FBXL4: variants seen among roughly 807,000 people sequenced by gnomAD.
FBXL4 encodes F-box/LRR-repeat protein 4.
A neutral mutation model predicts 58.9 loss-of-function variants in FBXL4; 40 were observed. The observed-to-expected ratio is 0.68, with a 90% CI of 0.53 to 0.88. The LOEUF (loss-of-function observed/expected upper bound fraction) is 0.88. FBXL4 is among the 40% of genes least tolerant of loss of function. The probability of loss-of-function intolerance (pLI) is 0.00; values close to 1 mark genes in which losing one functional copy is unlikely to be tolerated. For missense variants in FBXL4, 676 were observed against 734.4 expected (o/e 0.92, Z 0.92); for synonymous variants, 263 against 265.5 (o/e 0.99, Z 0.09).
Position 98,874,461 on chromosome 6 carries a change from C to A in FBXL4, c.1703-20G>T, listed in dbSNP as rs1180929198. The stretch of plus-strand genomic sequence containing the variant: ...TTGTTCCTATTTAAGGGAAACAAAA[C>A]AAAACAAAACAAAACACCTTAAGTA... On this transcript the variant is annotated intron_variant, in intron 9 of 9. Coordinates refer to ENST00000369244, the MANE Select transcript of FBXL4 (RefSeq NM_001278716.2). 6.3e-7 allele frequency: 1 copy of A among 1,592,216 alleles called. No homozygotes were observed. Among genetic ancestry groups the A allele is most frequent in the Non-Finnish European group, 8.5e-7 (1 of 1,173,624 alleles).
In FBXL4 at chr6:98,917,433, T is replaced by G; in HGVS notation, c.799A>C (p.Ser267Arg). The part of the protein sequence containing the change: ...CGMDSLNKKF[S>R]SAVLGEGPNN... ...GGCCCTTCCCCGAGGACAGCACTGC[T>G]AAACTTTTTGTTAAGACTGTCCATT... The change falls in exon 5 of 10, where the codon AGC (serine) becomes CGC (arginine). Residue 267 changes from serine to arginine, a missense_variant. Ser to Arg is a moderately radical substitution (Grantham distance 110). Coordinates refer to ENST00000369244, the MANE Select transcript of FBXL4 (RefSeq NM_001278716.2). 1 of 1,613,996 alleles carries G rather than the reference T, an allele frequency of 6.2e-7. No individual in the cohort carries two copies. Among genetic ancestry groups the G allele is most frequent in the Non-Finnish European group, 8.5e-7 (1 of 1,179,902 alleles).
chr6:98,875,019 G>A (rs990443269), intron 9 of FBXL4, among the ~76,000 whole-genome samples: 16 of 151,992 alleles, frequency 1.1e-4, no homozygotes, highest in Non-Finnish European at 1.8e-4. Context: ...AAGATTTCAC[G>A]ATATTCCTTA....
chr6:98,899,483 T>C lies in FBXL4; in HGVS notation c.1104-2A>G. The C allele has an allele frequency of 6.2e-7, 1 of 1,609,836 alleles. No individual in the cohort carries two copies. Among genetic ancestry groups the C allele is most frequent in the South Asian group, 1.1e-5 (1 of 90,384 alleles). ...TCGGATCCACAAACCTTCAGAAACC[T>C]GCCAAAACAACATTCTATGTGAATT... On this transcript the variant is annotated splice_acceptor_variant, in intron 6 of 9. Transcript: ENST00000369244. LOFTEE classifies it high-confidence loss of function.
At chr6:98,937,683 T>C (rs1189741671) in intron 1 of FBXL4, among the ~76,000 whole-genome samples, 1 of 152,162 alleles carries the variant, frequency 6.6e-6, no homozygotes. Context: ...TGTGGAAATA[T>C]ACTATAAATT....
In FBXL4 at chr6:98,874,249, A is replaced by T; in HGVS notation, c.*29T>A. On this transcript the variant is annotated 3_prime_UTR_variant, in exon 10 of 10. Coordinates refer to ENST00000369244, the MANE Select transcript of FBXL4 (RefSeq NM_001278716.2). ...CCAAAATTAAACCCCAACAAAGCAC[A>T]TTAATTTTAATACAGAACATATATT... 1.3e-6 allele frequency: 2 copies of T among 1,492,742 alleles called. No homozygotes were observed. The highest frequency in any genetic ancestry group is 1.8e-4 in the Middle Eastern group (1 of 5,638). 92.5% of individuals were successfully genotyped at this position (1,492,742 alleles called of 1,614,324 possible).
chr6:98,911,189 G>C lies in FBXL4; in HGVS notation c.859-5519C>G, dbSNP rs182972515. Among the ~76,000 whole-genome samples, 1,361 of 152,310 alleles carry C rather than the reference G, an allele frequency of 8.9e-3. 16 individuals are homozygous for C. The highest frequency in any genetic ancestry group is 0.031 in the African/African-American group (1,277 of 41,556). Reference sequence around the variant, plus strand: ...AAAGCAGCCGGGAAGCTCAAACTGGGTGGAGCCCACCACAACTCAAGGAGG... The same window carrying C: ...AAAGCAGCCGGGAAGCTCAAACTGGCTGGAGCCCACCACAACTCAAGGAGG... On this transcript the variant is annotated intron_variant, in intron 5 of 9. Coordinates refer to ENST00000369244, the MANE Select transcript of FBXL4 (RefSeq NM_001278716.2).
chr6:98,875,608 C>T lies in FBXL4; in HGVS notation c.1509G>A (p.Gly503=). Residue 503 remains glycine (G), a synonymous_variant, in exon 9 of 10, where the codon GGG becomes GGA. Transcript: ENST00000369244. ...TENGIAELAS[G]CPLLEELDLG... ...GGTCAAGCTCCTCCAGTAGTGGACA[C>T]CCAGAAGCCAGTTCTGCTATTCCAT... The T allele has an allele frequency of 6.2e-7, 1 of 1,614,130 alleles. No homozygotes were observed. The highest frequency in any genetic ancestry group is 8.5e-7 in the Non-Finnish European group (1 of 1,180,004).
At chr6:98,878,575 A>G (rs923681171) in intron 8 of FBXL4, among the ~76,000 whole-genome samples, 5 of 152,076 alleles carry the variant, frequency 3.3e-5, no homozygotes, top group Non-Finnish European at 7.4e-5. Flanking sequence ...TATCCTTTAG[A>G]GGTAATTTTC....
intron 6 of FBXL4, among the ~76,000 whole-genome samples, chr6:98,900,656 C>T (rs1771574090): frequency 6.6e-6 from 1 of 152,096 alleles, no homozygotes; most frequent in Non-Finnish European, 1.5e-5. Flanking sequence ...TTTTAAAGGT[C>T]AAAGCACCCC....
chr6:98,895,936 C>T (rs1771394271), intron 7 of FBXL4, among the ~76,000 whole-genome samples: 2 of 151,986 alleles, frequency 1.3e-5, no homozygotes, highest in African/African-American at 2.4e-5. Context: ...TAATACAATC[C>T]ATATTTTTAA....
Position 98,875,528 on chromosome 6 carries a change from T to C in FBXL4, c.1589A>G (p.His530Arg), listed in dbSNP as rs2128375608. ...SSTGCFTRLA[H>R]QLPNLQKLFL... ...GAGTTTTTGCAAGTTTGGGAGCTGG[T>C]GTGCCAGTCTGGTGAAGCACCCGGT... The change falls in exon 9 of 10, where the codon CAC (histidine) becomes CGC (arginine). Residue 530 changes from histidine to arginine, a missense_variant. Physicochemically the swap from His to Arg is conservative, Grantham distance 29. Transcript: ENST00000369244. 1.2e-6 allele frequency: 2 copies of C among 1,614,172 alleles called. No individual in the cohort carries two copies. Among genetic ancestry groups the C allele is most frequent in the Non-Finnish European group, 1.7e-6 (2 of 1,180,008 alleles).
intron 4 of FBXL4, among the ~76,000 whole-genome samples, chr6:98,919,475 G>T (rs529260117): frequency 6.1e-4 from 93 of 152,132 alleles, no homozygotes; most frequent in Non-Finnish European, 1.3e-3. Flanking sequence ...AACCAATCTT[G>T]CAAGGCAGGG....
intron 1 of FBXL4, among the ~76,000 whole-genome samples, chr6:98,946,333 TTAAATA>T (rs2128415216): frequency 6.6e-6 from 1 of 152,286 alleles, no homozygotes; most frequent in African/African-American, 2.4e-5. Flanking sequence ...TTATCTCACA[TTAAATA>T]TAAATAAGAT....
intron 5 of FBXL4, among the ~76,000 whole-genome samples, chr6:98,907,617 T>C (rs1180611401): frequency 6.6e-6 from 1 of 152,140 alleles, no homozygotes; most frequent in Non-Finnish European, 1.5e-5. Flanking sequence ...AACTAACAAA[T>C]ATAAAGGAAA....
chr6:98,908,670 T>C (rs898429726), intron 5 of FBXL4, among the ~76,000 whole-genome samples: 2 of 152,208 alleles, frequency 1.3e-5, no homozygotes, highest in Non-Finnish European at 2.9e-5. Context: ...TCAAAACGTT[T>C]TTATTCTGAA....
chr6:98,914,888 T>G (rs1772271880), intron 5 of FBXL4, among the ~76,000 whole-genome samples: 1 of 152,204 alleles, frequency 6.6e-6, no homozygotes, highest in South Asian at 2.1e-4. Flanking sequence ...TGTCCCTGTT[T>G]GCACACAACA....
intron 4 of FBXL4, among the ~76,000 whole-genome samples, chr6:98,925,161 C>T (rs983686686): frequency 2.6e-5 from 4 of 152,034 alleles, no homozygotes; most frequent in African/African-American, 9.7e-5. Flanking sequence ...AAGATTTCAA[C>T]CTCAGAGATA....
chr6:98,891,511 A>G (rs1771224503), intron 7 of FBXL4, among the ~76,000 whole-genome samples: 1 of 152,174 alleles, frequency 6.6e-6, no homozygotes, highest in Non-Finnish European at 1.5e-5. Context: ...CTACAATAAT[A>G]TAGTCGAATA....
chr6:98,929,301 G>A (rs1336002788), intron 2 of FBXL4, among the ~76,000 whole-genome samples: 1 of 152,128 alleles, frequency 6.6e-6, no homozygotes, highest in Non-Finnish European at 1.5e-5. Flanking sequence ...GCTGGGCATG[G>A]TGGCTCACGC....
Sources: allele counts gnomAD v4.1 joint callset (sites outside exome capture counted in the v4.1 genomes callset), GRCh38; gene constraint gnomAD v4.1.1; transcripts MANE v1.5; gene names NCBI Gene and HGNC (gene_info 2026-07-23, HGNC 2026-07-21).